HOMER2: variants seen among roughly 807,000 people sequenced by gnomAD.
HOMER2 encodes homer protein homolog 2.
Under a neutral mutation model 47.0 loss-of-function variants are expected in HOMER2, and 27 were observed. That is an observed-to-expected ratio of 0.57 (90% CI 0.42 to 0.79). The LOEUF is 0.79. Ranked by LOEUF, HOMER2 falls within the 30% of genes least tolerant of loss-of-function variation. The pLI, the probability that HOMER2 is intolerant of heterozygous loss-of-function variation, is 0.00. For missense variants in HOMER2, 443 were observed against 435.0 expected (o/e 1.02, Z -0.16); for synonymous variants, 161 against 163.8 (o/e 0.98, Z 0.13).
At chr15:82,847,874 T>A (rs1373620254), downstream of HOMER2, among the ~76,000 whole-genome samples, 1 of 151,934 alleles carries the variant, frequency 6.6e-6, no homozygotes, top group Admixed American at 6.6e-5. Flanking sequence ...GGCTCTCTGG[T>A]CTCCTGGTGC....
In HOMER2 at chr15:82,849,819, G is replaced by A. The variant is rs2051330302; in HGVS notation, c.928C>T (p.His310Tyr). ...DIEESKYRQR[H>Y]LKVELKSFLE... ...AAGCTCTTCAACTCCACCTTCAGGTGGCGCTGTCGGTATTTGCTCTCCTCA... is the reference window on the plus strand; with the variant it reads ...AAGCTCTTCAACTCCACCTTCAGGTAGCGCTGTCGGTATTTGCTCTCCTCA... Residue 310 changes from histidine (H) to tyrosine (Y), a missense_variant, in exon 9 of 9, where the codon CAC becomes TAC. By Grantham distance (83) the His-to-Tyr change is moderately conservative. Transcript: ENST00000450735. 5 of 1,613,996 alleles carry A rather than the reference G, an allele frequency of 3.1e-6. No homozygotes were observed. The highest frequency in any genetic ancestry group is 4.2e-6 in the Non-Finnish European group (5 of 1,179,862).
chr15:82,940,548 C>T (rs1471066043), intron 1 of HOMER2, among the ~76,000 whole-genome samples: 1 of 152,104 alleles, frequency 6.6e-6, no homozygotes, highest in Non-Finnish European at 1.5e-5. Flanking sequence ...TCGAGACCAT[C>T]CTGGCTAACA....
chr15:82,875,483 C>A, intron 2 of HOMER2, 79 bp from the exon 3 acceptor site: 1 of 1,463,360 alleles, frequency 6.8e-7, no homozygotes, highest in Non-Finnish European at 9.4e-7. Flanking sequence ...CTTCTATTGG[C>A]AAAGCCAGTG....
intron 1 of HOMER2, among the ~76,000 whole-genome samples, chr15:82,899,906 C>T (rs1405732065): frequency 6.6e-6 from 1 of 152,170 alleles, no homozygotes; most frequent in Non-Finnish European, 1.5e-5. Context: ...CCTGTAATCC[C>T]AGCTACTTGG....
exon 2 of HOMER2, chr15:82,839,553 A>G (rs1235617421): frequency 3.3e-5 from 5 of 152,264 alleles, no homozygotes; most frequent in Non-Finnish European, 4.4e-5. Context: ...TACAGAAACT[A>G]TTACAACAAA....
At chr15:82,919,008 G>A (rs1478323421) in intron 1 of HOMER2, among the ~76,000 whole-genome samples, 1 of 152,194 alleles carries the variant, frequency 6.6e-6, no homozygotes, top group East Asian at 1.9e-4. Context: ...CTTGTCCTGG[G>A]AAGAAGTAGC....
upstream of HOMER2, among the ~76,000 whole-genome samples, chr15:82,956,939 G>C (rs1022014588): frequency 6.6e-6 from 1 of 152,196 alleles, no homozygotes; most frequent in South Asian, 2.1e-4. Flanking sequence ...CTGAGCCTCA[G>C]CGCTCTAATC....
intron 3 of HOMER2, among the ~76,000 whole-genome samples, chr15:82,872,778 C>A (rs1320943825): frequency 6.6e-6 from 1 of 152,210 alleles, no homozygotes; most frequent in African/African-American, 2.4e-5. Flanking sequence ...CATGGTGCCA[C>A]ATGCACAGCA....
chr15:82,869,079 G>A (rs1198069052), intron 3 of HOMER2, among the ~76,000 whole-genome samples: 1 of 152,162 alleles, frequency 6.6e-6, no homozygotes, highest in African/African-American at 2.4e-5. Context: ...CAGAACTGCC[G>A]CATAGCTGCT....
chr15:82,867,917 C>A (rs1384877689), intron 3 of HOMER2, among the ~76,000 whole-genome samples: 1 of 152,106 alleles, frequency 6.6e-6, no homozygotes. Context: ...AGAGAAACTT[C>A]CTCTCAAAGC....
intron 1 of HOMER2, among the ~76,000 whole-genome samples, chr15:82,939,677 A>G (rs1442588505): frequency 1.3e-5 from 2 of 152,100 alleles, no homozygotes; most frequent in African/African-American, 4.8e-5. Flanking sequence ...CTCAACAACA[A>G]CAAAAAAAAG....
chr15:82,962,451 C>CA (rs2054639560), intron 1 of HOMER2, among the ~76,000 whole-genome samples: 1 of 151,270 alleles, frequency 6.6e-6, no homozygotes. Context: ...CTGACGCAGG[C>CA]AGATCACCTG....
chr15:82,933,563 C>T (rs1432705041), intron 1 of HOMER2, among the ~76,000 whole-genome samples: 1 of 152,138 alleles, frequency 6.6e-6, no homozygotes, highest in African/African-American at 2.4e-5. Flanking sequence ...CCCACCTTCT[C>T]ATCATTCTCA....
intron 1 of HOMER2, among the ~76,000 whole-genome samples, chr15:82,908,517 C>T (rs1208524019): frequency 1.3e-5 from 2 of 152,170 alleles, no homozygotes; most frequent in Non-Finnish European, 2.9e-5. Flanking sequence ...AAGCTCCCTC[C>T]ACTTTAACCT....
At chr15:82,956,393 A>G (rs991032155), upstream of HOMER2, among the ~76,000 whole-genome samples, 3 of 152,170 alleles carry the variant, frequency 2.0e-5, no homozygotes, top group Non-Finnish European at 4.4e-5. Flanking sequence ...CAGTGTGGTT[A>G]GAGTGCAGTG....
intron 4 of HOMER2, among the ~76,000 whole-genome samples, chr15:82,863,828 G>A (rs1008567006): frequency 6.6e-6 from 1 of 152,134 alleles, no homozygotes; most frequent in Non-Finnish European, 1.5e-5. Context: ...TCTCTTGTGG[G>A]CACAAGGTAC....
In HOMER2 at chr15:82,973,788, A is replaced by G. The variant is rs542221851; in HGVS notation, n.82+11999T>C. On this transcript the variant is annotated intron_variant and non_coding_transcript_variant, in intron 1 of 1. Coordinates refer to the HOMER2 transcript ENST00000500334. ...ATCCATCTAAAGCCAATGTCTGGCC[A>G]GGCATGGTGGCTCATGCCTGTAATT... Among the ~76,000 whole-genome samples, 22 of 152,338 alleles carry G rather than the reference A, an allele frequency of 1.4e-4. 1 individual carries two copies. The highest frequency in any genetic ancestry group is 2.2e-4 in the Non-Finnish European group (15 of 68,020).
chr15:82,853,134 C>G (rs1390834124), intron 6 of HOMER2, among the ~76,000 whole-genome samples: 2 of 152,200 alleles, frequency 1.3e-5, no homozygotes, highest in Non-Finnish European at 2.9e-5. Flanking sequence ...ACTCCCAGCC[C>G]CTGCTGCTGC....
intron 7 of HOMER2, 27 bp downstream of exon 7, chr15:82,852,115 G>A (rs375281424): frequency 4.5e-6 from 7 of 1,550,236 alleles, no homozygotes; most frequent in Middle Eastern, 1.7e-4. Context: ...GACGCCAAGG[G>A]GCCCTGCTCG....
Sources: gnomAD v4.1 joint callset for allele counts (sites outside exome capture counted in the v4.1 genomes callset) on GRCh38, gnomAD v4.1.1 for gene constraint, MANE v1.5 for transcripts, NCBI Gene and HGNC (gene_info 2026-07-23, HGNC 2026-07-21) for gene names.